FMN1: variants seen among roughly 807,000 people sequenced by gnomAD.
FMN1 encodes formin 1, also known as formin-1.
FMN1 carries 110 observed loss-of-function variants against 132.4 expected under a neutral mutation model. The ratio of observed to expected loss-of-function variants is 0.83; its 90% CI spans 0.71 to 0.97. FMN1 has a LOEUF of 0.97. Ranked by LOEUF, FMN1 falls within the 50% of genes least tolerant of loss-of-function variation. The pLI is 0.00. For missense variants in FMN1, 1,792 were observed against 1,705.3 expected, an observed-to-expected ratio of 1.05 and a Z score of -0.90; for synonymous variants, 722 against 651.7, an observed-to-expected ratio of 1.11 and a Z score of -1.64.
rs561655707 is a variant in FMN1 at position 32,833,249 on chromosome 15, G to A, written c.3928+23766C>T. On this transcript the variant is annotated intron_variant, in intron 17 of 20. Coordinates refer to ENST00000616417, the MANE Select transcript of FMN1 (RefSeq NM_001277313.2). ...TTCTTAGAGGATAAGTAGAAAATAC[G>A]TAATGGGAGGTGGGGGGAAATGGTT... Among the ~76,000 whole-genome samples the A allele has an allele frequency of 7.9e-5, 12 of 152,280 alleles. 1 individual carries two copies. Among genetic ancestry groups the A allele is most frequent in the African/African-American group, 2.2e-4 (9 of 41,560 alleles).
At chr15:32,992,115 C>T (rs1013637377) in intron 7 of FMN1, among the ~76,000 whole-genome samples, 5 of 152,082 alleles carry the variant, frequency 3.3e-5, no homozygotes, top group African/African-American at 9.7e-5. Flanking sequence ...ATTTGTAATG[C>T]AATCTTGTTT....
At chr15:32,790,211 T>C (rs1292044162) in intron 19 of FMN1, among the ~76,000 whole-genome samples, 1 of 152,230 alleles carries the variant, frequency 6.6e-6, no homozygotes, top group Non-Finnish European at 1.5e-5. Context: ...GCATGTTCAG[T>C]CACCCAGGTC....
At chr15:32,874,907 G>T (rs973664381) in intron 16 of FMN1, among the ~76,000 whole-genome samples, 5 of 152,150 alleles carry the variant, frequency 3.3e-5, no homozygotes, top group Non-Finnish European at 5.9e-5. Context: ...GTCCAGAAAA[G>T]GTTTAAAAAC....
intron 7 of FMN1, among the ~76,000 whole-genome samples, chr15:32,984,907 C>T (rs1178635110): frequency 6.9e-6 from 1 of 145,200 alleles, no homozygotes; most frequent in Non-Finnish European, 1.5e-5. Flanking sequence ...TTTATTGATA[C>T]GTAGGTCTTC....
intron 20 of FMN1, 138 bp downstream of exon 20, chr15:32,776,687 CTTTTTTTTTT>C: frequency 2.2e-6 from 1 of 453,988 alleles, no homozygotes. Flanking sequence ...CCCACACATA[CTTTTTTTTTT>C]TTTTTTTTAA....
At chr15:33,126,541 A>G (rs1963091460) in intron 4 of FMN1, among the ~76,000 whole-genome samples, 1 of 151,818 alleles carries the variant, frequency 6.6e-6, no homozygotes, top group African/African-American at 2.4e-5. Context: ...AACTCACTGA[A>G]AAACTCCATA....
At chr15:33,090,066 T>C (rs1472358348) in intron 4 of FMN1, among the ~76,000 whole-genome samples, 1 of 152,232 alleles carries the variant, frequency 6.6e-6, no homozygotes, top group Non-Finnish European at 1.5e-5. Flanking sequence ...TGGACACTTC[T>C]AATGTTTCAT....
chr15:33,136,948 C>T (rs1401444373), intron 4 of FMN1, among the ~76,000 whole-genome samples: 3 of 151,944 alleles, frequency 2.0e-5, no homozygotes, highest in Middle Eastern at 3.4e-3. Context: ...GTTAGCCAGG[C>T]GTGGTGGCGG....
chr15:33,159,776 G>T (rs574669689), intron 3 of FMN1, among the ~76,000 whole-genome samples: 1 of 152,150 alleles, frequency 6.6e-6, no homozygotes, highest in Non-Finnish European at 1.5e-5. Context: ...CACAAACAGA[G>T]GAAGATATAG....
intron 16 of FMN1, among the ~76,000 whole-genome samples, chr15:32,867,054 T>C (rs2059408161): frequency 6.6e-6 from 1 of 152,188 alleles, no homozygotes; most frequent in South Asian, 2.1e-4. Flanking sequence ...GGGATGTGTC[T>C]CCCAAGTTTA....
intron 6 of FMN1, among the ~76,000 whole-genome samples, chr15:33,043,043 G>C (rs1040258069): frequency 3.9e-5 from 6 of 152,298 alleles, no homozygotes; most frequent in African/African-American, 1.2e-4. Context: ...TTTGACTTAT[G>C]ATGATTTTTC....
intron 3 of FMN1, among the ~76,000 whole-genome samples, chr15:33,158,621 C>G (rs1325548393): frequency 6.6e-6 from 1 of 152,114 alleles, no homozygotes; most frequent in African/African-American, 2.4e-5. Context: ...GTTCTGGGCC[C>G]TGGGAAGCAG....
intron 17 of FMN1, among the ~76,000 whole-genome samples, chr15:32,809,231 G>A (rs922368796): frequency 1.3e-5 from 2 of 152,072 alleles, no homozygotes; most frequent in Non-Finnish European, 2.9e-5. Context: ...CAATGATACA[G>A]GAGTCTTTTT....
At chr15:32,864,744 G>C (rs2059352240) in intron 16 of FMN1, among the ~76,000 whole-genome samples, 1 of 152,078 alleles carries the variant, frequency 6.6e-6, no homozygotes, top group African/African-American at 2.4e-5. Flanking sequence ...AGACAAACAA[G>C]TGCCTTTTTA....
intron 6 of FMN1, among the ~76,000 whole-genome samples, chr15:33,042,803 C>T (rs1230675824): frequency 6.6e-6 from 1 of 151,418 alleles, no homozygotes; most frequent in Non-Finnish European, 1.5e-5. Context: ...CAAAACACAT[C>T]CCTGAGGCAC....
intron 18 of FMN1, 76 bp from the exon 19 acceptor site, chr15:32,799,029 A>G (rs973134566): frequency 7.9e-7 from 1 of 1,259,366 alleles, no homozygotes; most frequent in African/African-American, 1.5e-5. Context: ...TAGAGGGGGG[A>G]TGCTGGGGGC....
intron 2 of FMN1, among the ~76,000 whole-genome samples, chr15:33,185,453 T>TAGA (rs1965846841): frequency 6.6e-6 from 1 of 152,068 alleles, no homozygotes; most frequent in Non-Finnish European, 1.5e-5. Flanking sequence ...GTGAAAATTT[T>TAGA]AATTACCGTT....
intron 16 of FMN1, among the ~76,000 whole-genome samples, chr15:32,877,165 T>C (rs1466300983): frequency 6.6e-6 from 1 of 152,132 alleles, no homozygotes; most frequent in Non-Finnish European, 1.5e-5. Flanking sequence ...CGGGTGCCTG[T>C]AGTCCCAGCT....
intron 6 of FMN1, among the ~76,000 whole-genome samples, chr15:33,037,601 G>A (rs1184003496): frequency 6.6e-6 from 1 of 152,178 alleles, no homozygotes; most frequent in Non-Finnish European, 1.5e-5. Context: ...GCCATGACCT[G>A]GGGAAAGATA....
Sources: gnomAD v4.1 joint callset for allele counts (sites outside exome capture counted in the v4.1 genomes callset) on GRCh38, gnomAD v4.1.1 for gene constraint, MANE v1.5 for transcripts, NCBI Gene and HGNC (gene_info 2026-07-23, HGNC 2026-07-21) for gene names.